EXOC4: variants seen among roughly 807,000 people sequenced by gnomAD.
EXOC4 encodes the protein SEC8-like 1.
In EXOC4, 71 loss-of-function variants were observed where a neutral mutation model predicts 107.2. The observed-to-expected ratio is 0.66, with a 90% confidence interval of 0.55 to 0.81. The LOEUF is 0.81. EXOC4 is among the 30% of genes least tolerant of loss of function. EXOC4 has a pLI of 0.00. For missense variants in EXOC4, 1,108 were observed against 1,189.6 expected, an observed-to-expected ratio of 0.93 and a Z score of 1.01; for synonymous variants, 456 against 441.2, an observed-to-expected ratio of 1.03 and a Z score of -0.42.
chr7:133,542,837 T>C (rs1800406935), intron 9 of EXOC4, among the ~76,000 whole-genome samples: 1 of 152,204 alleles, frequency 6.6e-6, no homozygotes, highest in Non-Finnish European at 1.5e-5. Context: ...GTCAGTACCA[T>C]TTTAGTTTTT....
rs896328086 is a variant in EXOC4, at chr7:133,914,357, A to G, written c.1872-3226A>G. ...CTACAGAGGTTTCAGGACCACATAT[A>G]GAGGTCAAATAGAGGCTAGCATCTT... is the stretch of plus-strand genomic sequence containing the variant. On this transcript the variant is annotated intron_variant, in intron 12 of 17. Transcript: ENST00000253861. Among the ~76,000 whole-genome samples the G allele has an allele frequency of 2.0e-5, 3 of 152,240 alleles. No individual in the cohort carries two copies. In the South Asian group the frequency reaches 6.2e-4, roughly 31 times the overall value.
chr7:133,524,979 T>C (rs1037573753), intron 9 of EXOC4, among the ~76,000 whole-genome samples: 3 of 152,184 alleles, frequency 2.0e-5, no homozygotes, highest in African/African-American at 4.8e-5. Context: ...TGTTTTAATA[T>C]CCAGTTTGTC....
rs891319549 is a variant in EXOC4 at position 133,666,769 on chromosome 7, G to C, written c.1514+36628G>C. 2.8e-4 allele frequency among the ~76,000 whole-genome samples: 42 copies of C among 152,142 alleles called. 1 individual carries two copies. The highest frequency in any genetic ancestry group is 7.2e-4 in the African/African-American group (30 of 41,430). Reference sequence around the variant, plus strand: ...TGATTGCCACAATACCTGCTTCCAAGTAATTTATAGACTGATGGATTAGGA... The same window carrying C: ...TGATTGCCACAATACCTGCTTCCAACTAATTTATAGACTGATGGATTAGGA... On this transcript the variant is annotated intron_variant, in intron 10 of 17. Transcript: ENST00000253861.
At chr7:133,987,393 GAA>G (rs1435294454) in intron 14 of EXOC4, among the ~76,000 whole-genome samples, 1 of 149,276 alleles carries the variant, frequency 6.7e-6, no homozygotes, top group African/African-American at 2.5e-5. Context: ...TAGAAAGAAA[GAA>G]AAAGAGAGAG....
rs189060045 is a variant in EXOC4, at chr7:134,024,830, G to T, written c.2687+16995G>T. Reference sequence around the variant, plus strand: ...AGCACCACAGAAGGCTCCCTCAGCAGCAGTGGTAACTTCTGGTTACCTAAG... The same window carrying T: ...AGCACCACAGAAGGCTCCCTCAGCATCAGTGGTAACTTCTGGTTACCTAAG... On this transcript the variant is annotated intron_variant, in intron 17 of 17. Coordinates refer to ENST00000253861, the MANE Select transcript of EXOC4 (RefSeq NM_021807.4). Among the ~76,000 whole-genome samples, 7 of 152,370 alleles carry T rather than the reference G, an allele frequency of 4.6e-5. No individual in the cohort carries two copies. The East Asian group carries it at 1.3e-3, about 29-fold the overall frequency.
intron 3 of EXOC4, 137 bp downstream of exon 3, chr7:133,289,253 C>G: frequency 1.5e-6 from 1 of 658,072 alleles, no homozygotes; most frequent in Non-Finnish European, 2.5e-6. Context: ...GAAGGTGAAG[C>G]CTGGGTATTT....
intron 13 of EXOC4, among the ~76,000 whole-genome samples, chr7:133,921,253 T>C (rs1465718186): frequency 6.6e-6 from 1 of 152,156 alleles, no homozygotes; most frequent in Non-Finnish European, 1.5e-5. Flanking sequence ...GAGAATGAAT[T>C]CACCCATCTC....
At chr7:134,037,217 G>A (rs1231774857) in intron 17 of EXOC4, among the ~76,000 whole-genome samples, 1 of 152,134 alleles carries the variant, frequency 6.6e-6, no homozygotes, top group Non-Finnish European at 1.5e-5. Context: ...TGGTTTTGAC[G>A]AAGTTTTCTC....
At chr7:133,989,549 C>T (rs1305940574) in intron 14 of EXOC4, among the ~76,000 whole-genome samples, 1 of 151,954 alleles carries the variant, frequency 6.6e-6, no homozygotes, top group Non-Finnish European at 1.5e-5. Context: ...AAACAACACC[C>T]AGAAGAGTAT....
chr7:133,939,664 A>G (rs1800383350), intron 14 of EXOC4, among the ~76,000 whole-genome samples: 2 of 152,300 alleles, frequency 1.3e-5, no homozygotes, highest in East Asian at 3.9e-4. Flanking sequence ...GCCCAACTCT[A>G]AAAGACTGCT....
chr7:133,444,300 C>T (rs1798169110), intron 7 of EXOC4, among the ~76,000 whole-genome samples: 1 of 152,158 alleles, frequency 6.6e-6, no homozygotes, highest in Admixed American at 6.6e-5. Flanking sequence ...GCGTTTTCTC[C>T]AGGCTCTTTA....
chr7:133,532,485 G>C (rs1284060018), intron 9 of EXOC4, among the ~76,000 whole-genome samples: 1 of 152,016 alleles, frequency 6.6e-6, no homozygotes, highest in Non-Finnish European at 1.5e-5. Flanking sequence ...ATTTTCCTGG[G>C]TGCCAAGTGG....
At chr7:133,338,017 T>G (rs1368420755) in intron 5 of EXOC4, among the ~76,000 whole-genome samples, 1 of 151,664 alleles carries the variant, frequency 6.6e-6, no homozygotes, top group Non-Finnish European at 1.5e-5. Context: ...CTTTCTTTTT[T>G]TTTTTTTTAA....
chr7:133,498,560 A>G (rs754679085), intron 9 of EXOC4, among the ~76,000 whole-genome samples: 4 of 152,104 alleles, frequency 2.6e-5, no homozygotes, highest in Admixed American at 1.3e-4. Context: ...ACTCCAGCCT[A>G]GGCGACAGAG....
chr7:133,486,180 C>T (rs1230346032), intron 9 of EXOC4, among the ~76,000 whole-genome samples: 1 of 152,048 alleles, frequency 6.6e-6, no homozygotes, highest in African/African-American at 2.4e-5. Context: ...TTATACTGGC[C>T]TAACCTGAAT....
intron 7 of EXOC4, among the ~76,000 whole-genome samples, chr7:133,416,866 C>T (rs1047194389): frequency 2.7e-4 from 41 of 152,020 alleles, no homozygotes; most frequent in African/African-American, 8.7e-4. Flanking sequence ...CGGTGAGTGC[C>T]CTCCTGTTGG....
intron 10 of EXOC4, among the ~76,000 whole-genome samples, chr7:133,688,260 G>A (rs995956102): frequency 1.3e-5 from 2 of 152,168 alleles, no homozygotes; most frequent in Admixed American, 1.3e-4. Context: ...TAGGCACACA[G>A]TGCATGGAAT....
intron 11 of EXOC4, among the ~76,000 whole-genome samples, chr7:133,855,103 AAATATATATAAAT>A (rs1563028497): frequency 5.1e-5 from 5 of 97,616 alleles, no homozygotes; most frequent in East Asian, 2.3e-4. Context: ...ATATATATAT[AAATATATATAAAT>A]ATATATATAT....
At chr7:133,933,785 AC>A (rs889815873) in intron 13 of EXOC4, among the ~76,000 whole-genome samples, 6 of 151,964 alleles carry the variant, frequency 3.9e-5, no homozygotes, top group Non-Finnish European at 4.4e-5. Flanking sequence ...AGTAACTAAT[AC>A]CCAATGTCCT....
Sources: gnomAD v4.1 joint callset for allele counts (sites outside exome capture counted in the v4.1 genomes callset) on GRCh38, gnomAD v4.1.1 for gene constraint, MANE v1.5 for transcripts, NCBI Gene and HGNC (gene_info 2026-07-23, HGNC 2026-07-21) for gene names.